Variants in RBMS3 observed in about 807,000 individuals in gnomAD.
RBMS3 encodes the protein RNA binding motif single stranded interacting protein 3.
RBMS3 carries 27 observed loss-of-function variants against 66.8 expected under a neutral mutation model. The ratio of observed to expected loss-of-function variants is 0.40; its 90% confidence interval spans 0.30 to 0.56. The LOEUF is 0.56. Among genes scored for constraint, RBMS3 ranks in the 20% least tolerant of loss-of-function variants. RBMS3 has a pLI of 0.40. For synonymous variants in RBMS3, 188 were observed against 183.0 expected, an observed-to-expected ratio of 1.03 and a Z score of -0.22; for missense variants, 513 against 549.5, an observed-to-expected ratio of 0.93 and a Z score of 0.66.
chr3:29,870,290 A>G (rs2059458724), intron 7 of RBMS3, among the ~76,000 whole-genome samples: 1 of 152,112 alleles, frequency 6.6e-6, no homozygotes, highest in Admixed American at 6.6e-5. Context: ...AGCACTCATT[A>G]TCACATGTCC....
At chr3:29,869,024 G>A (rs958562903) in intron 7 of RBMS3, 60 bp downstream of exon 7, 3 of 1,389,136 alleles carry the variant, frequency 2.2e-6, no homozygotes, top group Middle Eastern at 3.7e-4. Context: ...CTCAGAAGGT[G>A]GCAAGGCAGA....
At chr3:29,735,067 C>T (rs373218216) in intron 4 of RBMS3, among the ~76,000 whole-genome samples, 159 of 152,142 alleles carry the variant, frequency 1.0e-3, no homozygotes, top group African/African-American at 3.7e-3. Flanking sequence ...CTACTAATAG[C>T]CTTTTTCAGA....
intron 4 of RBMS3, among the ~76,000 whole-genome samples, chr3:29,655,411 G>A (rs2050290416): frequency 6.6e-6 from 1 of 152,194 alleles, no homozygotes; most frequent in Non-Finnish European, 1.5e-5. Context: ...CTTTAGTCAT[G>A]CACCACATAA....
intron 6 of RBMS3, among the ~76,000 whole-genome samples, chr3:29,799,489 C>T (rs375853278): frequency 2.3e-4 from 35 of 152,164 alleles, no homozygotes; most frequent in South Asian, 1.7e-3. Flanking sequence ...ACAACAAAAA[C>T]GAAATCCTGG....
chr3:29,801,272 C>CTTTTTTTCTTTTTTTTT (rs553179866), intron 6 of RBMS3, among the ~76,000 whole-genome samples: 10 of 129,468 alleles, frequency 7.7e-5, no homozygotes, highest in African/African-American at 2.1e-4. Flanking sequence ...TGCTTTTTTT[C>CTTTTTTTCTTTTTTTTT]TTTTTTTTTT....
intron 11 of RBMS3, among the ~76,000 whole-genome samples, chr3:29,943,893 G>C (rs915528607): frequency 6.6e-6 from 1 of 151,638 alleles, no homozygotes; most frequent in Non-Finnish European, 1.5e-5. Context: ...TCTTTTGTCA[G>C]CCAGAGAGGG....
At chr3:29,559,007 A>T (rs1559467876) in intron 3 of RBMS3, among the ~76,000 whole-genome samples, 2 of 152,168 alleles carry the variant, frequency 1.3e-5, no homozygotes, top group Admixed American at 6.5e-5. Context: ...TCACAATCAC[A>T]CAATATTGCA....
intron 10 of RBMS3, among the ~76,000 whole-genome samples, chr3:29,901,345 G>A (rs7610816): frequency 0.1 from 15,369 of 151,810 alleles, 934 homozygotes; most frequent in Middle Eastern, 0.29. Context: ...GTGTTCATCC[G>A]TAAAGCACTA....
intron 1 of RBMS3, among the ~76,000 whole-genome samples, chr3:29,315,377 A>G (rs2034610876): frequency 6.6e-6 from 1 of 151,818 alleles, no homozygotes. Context: ...ATATACTTCA[A>G]AACCTCATCC....
At chr3:29,611,670 C>G (rs1237851300) in intron 4 of RBMS3, among the ~76,000 whole-genome samples, 1 of 151,826 alleles carries the variant, frequency 6.6e-6, no homozygotes, top group South Asian at 2.1e-4. Flanking sequence ...TATTCATAGA[C>G]AATTTTAAAA....
At chr3:29,476,480 C>A (rs907940528) in intron 2 of RBMS3, among the ~76,000 whole-genome samples, 1 of 152,106 alleles carries the variant, frequency 6.6e-6, no homozygotes, top group Non-Finnish European at 1.5e-5. Flanking sequence ...TCGATTTATG[C>A]GATTATGAAT....
At chr3:29,509,047 G>GT (rs796296067) in intron 3 of RBMS3, among the ~76,000 whole-genome samples, 101 of 145,098 alleles carry the variant, frequency 7.0e-4, no homozygotes, top group Admixed American at 8.9e-4. Flanking sequence ...GATGGGGTTG[G>GT]TTTTTTTTTT....
intron 10 of RBMS3, among the ~76,000 whole-genome samples, chr3:29,905,717 C>T (rs2060360147): frequency 6.6e-6 from 1 of 152,004 alleles, no homozygotes; most frequent in Non-Finnish European, 1.5e-5. Context: ...TCTTAGGCCA[C>T]ACATAACATA....
chr3:29,420,248 A>G (rs960286809), intron 1 of RBMS3, among the ~76,000 whole-genome samples: 9 of 152,200 alleles, frequency 5.9e-5, no homozygotes, highest in African/African-American at 1.9e-4. Flanking sequence ...CATTCCGCCC[A>G]CATATTCCCT....
intron 3 of RBMS3, among the ~76,000 whole-genome samples, chr3:29,492,677 G>A (rs2043594711): frequency 6.6e-6 from 1 of 151,960 alleles, no homozygotes; most frequent in African/African-American, 2.4e-5. Context: ...GAGAAAGGAG[G>A]AAAGTGGACT....
At chr3:29,552,816 C>T (rs922076248) in intron 3 of RBMS3, among the ~76,000 whole-genome samples, 1 of 152,154 alleles carries the variant, frequency 6.6e-6, no homozygotes, top group Non-Finnish European at 1.5e-5. Flanking sequence ...TAGGGCATTA[C>T]ACTCTGGAGT....
chr3:29,561,180 A>G (rs2046538424), intron 3 of RBMS3, among the ~76,000 whole-genome samples: 1 of 152,170 alleles, frequency 6.6e-6, no homozygotes, highest in South Asian at 2.1e-4. Flanking sequence ...TGCTATCGTG[A>G]ATAGTGCAGC....
chr3:29,869,519 A>AAG (rs2059439773), intron 7 of RBMS3, among the ~76,000 whole-genome samples: 1 of 152,164 alleles, frequency 6.6e-6, no homozygotes, highest in Non-Finnish European at 1.5e-5. Context: ...TTGGTCAAAA[A>AAG]AGAGGGAGAA....
intron 12 of RBMS3, among the ~76,000 whole-genome samples, chr3:29,987,001 G>A (rs1488371884): frequency 1.3e-5 from 2 of 152,134 alleles, no homozygotes; most frequent in African/African-American, 4.8e-5. Context: ...GTGTTCAGAT[G>A]CTTTCCTTGA....
Sources: gnomAD v4.1 joint callset for allele counts (sites outside exome capture counted in the v4.1 genomes callset) on GRCh38, gnomAD v4.1.1 for gene constraint, MANE v1.5 for transcripts, NCBI Gene and HGNC (gene_info 2026-07-23, HGNC 2026-07-21) for gene names.